TOMM20: variants seen among roughly 807,000 people sequenced by gnomAD.
TOMM20 encodes the protein translocase of outer mitochondrial membrane 20.
A neutral mutation model predicts 22.1 loss-of-function variants in TOMM20; 10 were observed. That is an observed-to-expected ratio of 0.45 (90% CI 0.28 to 0.77). The LOEUF is 0.77. Ranked by LOEUF, TOMM20 falls within the 30% of genes least tolerant of loss-of-function variation. The probability of loss-of-function intolerance (pLI) is 0.13; values close to 1 mark genes in which losing one functional copy is unlikely to be tolerated. For synonymous variants in TOMM20, 55 were observed against 61.4 expected (o/e 0.90, Z 0.49); for missense variants, 121 against 172.2 (o/e 0.70, Z 1.66).
chr1:235,116,937 C>A (rs745710349), intron 3 of TOMM20, among the ~76,000 whole-genome samples: 2 of 149,764 alleles, frequency 1.3e-5, no homozygotes, highest in Non-Finnish European at 3.0e-5. Context: ...AGATCGAGAC[C>A]ATCCTGGCTA....
intron 3 of TOMM20, among the ~76,000 whole-genome samples, chr1:235,115,582 G>C (rs1572127016): frequency 6.6e-6 from 1 of 152,048 alleles, no homozygotes; most frequent in Non-Finnish European, 1.5e-5. Context: ...AGCCAAGATC[G>C]CACCACTGCA....
At chr1:235,127,923 G>A (rs1487339817) in intron 1 of TOMM20, 1 of 518,804 alleles carries the variant, frequency 1.9e-6, no homozygotes, top group South Asian at 1.4e-5. Context: ...CTACCAAGAG[G>A]GTTTAAGAAT....
At chr1:235,112,527 T>C (rs1228050682) in intron 4 of TOMM20, among the ~76,000 whole-genome samples, 1 of 152,060 alleles carries the variant, frequency 6.6e-6, no homozygotes, top group Non-Finnish European at 1.5e-5. Context: ...TTATTTTTGG[T>C]GCAGACAGGG....
intron 3 of TOMM20, among the ~76,000 whole-genome samples, chr1:235,118,468 A>G (rs1660873073): frequency 3.3e-5 from 5 of 152,120 alleles, no homozygotes; most frequent in Admixed American, 3.3e-4. Context: ...TGCCTGTAGG[A>G]GACTTGGAAA....
At chr1:235,114,582 C>T (rs906530467) in intron 3 of TOMM20, among the ~76,000 whole-genome samples, 9 of 151,808 alleles carry the variant, frequency 5.9e-5, no homozygotes, top group African/African-American at 1.5e-4. Flanking sequence ...GGACTACAGG[C>T]GCCCACCACC....
Position 235,112,254 on chromosome 1 carries a change from T to C in TOMM20, c.394-146A>G, listed in dbSNP as rs534985881. ...ACATTTAATTCAAAATGTAACACTT[T>C]ACACACAGTCGGCATCCAAGAAAAC... is the stretch of plus-strand genomic sequence containing the variant. On this transcript the variant is annotated intron_variant, in intron 4 of 4. Coordinates refer to ENST00000366607, the MANE Select transcript of TOMM20 (RefSeq NM_014765.3). 1.6e-5 allele frequency: 11 copies of C among 672,112 alleles called. No individual in the cohort carries two copies. The South Asian group carries it at 1.8e-4, about 11-fold the overall frequency. The allele number at this position is 672,112 out of a possible 1,614,324, so 41.6% of individuals were successfully genotyped here.
At chr1:235,119,920 A>G in intron 2 of TOMM20, 21 bp from the exon 3 acceptor site, 1 of 1,524,336 alleles carries the variant, frequency 6.6e-7, no homozygotes, top group South Asian at 1.1e-5. Flanking sequence ...AATATTTAAT[A>G]AATGACACCA....
At chr1:235,117,328 CAT>C in intron 3 of TOMM20, among the ~76,000 whole-genome samples, 1 of 150,392 alleles carries the variant, frequency 6.6e-6, no homozygotes, top group South Asian at 2.1e-4. Context: ...CTTGGTGGTG[CAT>C]GCCTATAATC....
intron 1 of TOMM20, among the ~76,000 whole-genome samples, chr1:235,126,620 T>C (rs1661027397): frequency 6.6e-6 from 1 of 151,942 alleles, no homozygotes; most frequent in African/African-American, 2.4e-5. Context: ...CTGGCCAATA[T>C]GGTGAAACCC....
Position 235,111,880 on chromosome 1 carries a change from C to T in TOMM20, c.*184G>A, listed in dbSNP as rs1282067958. 1 of 600,698 alleles carries T rather than the reference C, an allele frequency of 1.7e-6. No homozygotes were observed. The highest frequency in any genetic ancestry group is 3.0e-6 in the Non-Finnish European group (1 of 336,918). The allele number at this position is 600,698 out of a possible 1,614,324, so 37.2% of individuals were successfully genotyped here. A position where few individuals can be genotyped will look rare whatever the true frequency, so the allele number is the denominator to read the frequency against. The stretch of plus-strand genomic sequence containing the variant: ...GAATGAAAAGTTCTCTATCAAAATA[C>T]ACTTTTCACTGGGAAAAATAAATAA... On this transcript the variant is annotated 3_prime_UTR_variant, in exon 5 of 5. Transcript: ENST00000366607.
intron 2 of TOMM20, among the ~76,000 whole-genome samples, chr1:235,121,225 C>T (rs552814037): frequency 1.1e-3 from 167 of 151,102 alleles, no homozygotes; most frequent in Middle Eastern, 3.4e-3. Flanking sequence ...AAAACCTAAA[C>T]TTCCATTAGT....
intron 3 of TOMM20, 64 bp from the exon 4 acceptor site, chr1:235,113,974 T>C: frequency 6.7e-7 from 1 of 1,499,156 alleles, no homozygotes. Context: ...AAATTAACTT[T>C]ACACACTATC....
intron 3 of TOMM20, among the ~76,000 whole-genome samples, chr1:235,118,919 A>G (rs1660880195): frequency 6.6e-6 from 1 of 152,226 alleles, no homozygotes; most frequent in Non-Finnish European, 1.5e-5. Flanking sequence ...TTGATATCAA[A>G]AAAGTATTTC....
chr1:235,117,561 G>A (rs1660857066), intron 3 of TOMM20, among the ~76,000 whole-genome samples: 1 of 152,038 alleles, frequency 6.6e-6, no homozygotes, highest in South Asian at 2.1e-4. Context: ...TATGTCTTAG[G>A]GAATATCTCT....
intron 3 of TOMM20, among the ~76,000 whole-genome samples, chr1:235,117,105 A>ACCCACT: frequency 1.6e-5 from 2 of 124,050 alleles, no homozygotes; most frequent in African/African-American, 6.2e-5. Context: ...ACTGCACTCC[A>ACCCACT]GCCTGGGCGA....
chr1:235,122,417 A>C (rs775337031), intron 1 of TOMM20, 45 bp from the exon 2 acceptor site: 6 of 1,551,678 alleles, frequency 3.9e-6, no homozygotes, highest in Non-Finnish European at 5.2e-6. Context: ...CATTATAAAA[A>C]TGGGAATCAA....
chr1:235,118,765 T>A (rs768299964), intron 3 of TOMM20, among the ~76,000 whole-genome samples: 6 of 152,130 alleles, frequency 3.9e-5, no homozygotes, highest in Non-Finnish European at 8.8e-5. Flanking sequence ...CTTCCAGCAA[T>A]CCTCCTGCCT....
chr1:235,116,934 G>C lies in TOMM20; in HGVS notation c.250+2884C>G, dbSNP rs549424086. 2.1e-4 allele frequency among the ~76,000 whole-genome samples: 32 copies of C among 150,376 alleles called. No individual in the cohort carries two copies. The East Asian group carries it at 5.2e-3, about 25-fold the overall frequency. ...GCGGATCACAAGGTCAGGAGATCGA[G>C]ACCATCCTGGCTAACATGGTGAAAC... On this transcript the variant is annotated intron_variant, in intron 3 of 4. Transcript: ENST00000366607.
In TOMM20 at chr1:235,128,581, GA is replaced by G. The variant is rs746463760; in HGVS notation, c.121+13del. Reference sequence around the variant, plus strand: ...AGGCAGCAAGCCTGGCCAGGGGAGAGAGGACCCACTCACGTTCTCGAAGCCT... The same window carrying G: ...AGGCAGCAAGCCTGGCCAGGGGAGAGGGACCCACTCACGTTCTCGAAGCCT... On this transcript the variant is annotated intron_variant, in intron 1 of 4. Coordinates refer to ENST00000366607, the MANE Select transcript of TOMM20 (RefSeq NM_014765.3). The G allele has an allele frequency of 6.2e-7, 1 of 1,611,990 alleles. No homozygotes were observed. Among genetic ancestry groups the G allele is most frequent in the East Asian group, 2.2e-5 (1 of 44,872 alleles).
Sources: allele counts gnomAD v4.1 joint callset (sites outside exome capture counted in the v4.1 genomes callset), GRCh38; gene constraint gnomAD v4.1.1; transcripts MANE v1.5; gene names NCBI Gene and HGNC (gene_info 2026-07-23, HGNC 2026-07-21).